The following FLT4 variants were observed in gnomAD, a reference collection of about 807,000 sequenced individuals.
FLT4 encodes the protein fms related receptor tyrosine kinase 4, also known as vascular endothelial growth factor receptor 3.
Under a neutral mutation model 163.2 loss-of-function variants are expected in FLT4, and 30 were observed. The ratio of observed to expected loss-of-function variants is 0.18; its 90% CI spans 0.14 to 0.25. The LOEUF (loss-of-function observed/expected upper bound fraction) is 0.25, where lower values mean the gene tolerates loss of function less well. Among genes scored for constraint, FLT4 ranks in the 10% least tolerant of loss-of-function variants. The pLI is 1.00. For missense variants in FLT4, 1,510 were observed against 1,863.8 expected (o/e 0.81, Z 3.50); for synonymous variants, 884 against 789.5 (o/e 1.12, Z -2.01).
intron 28 of FLT4, 165 bp from the exon 29 acceptor site, chr5:180,609,218 A>C: frequency 1.5e-6 from 1 of 666,534 alleles, no homozygotes; most frequent in South Asian, 1.6e-5. Context: ...TCCCAGGGTG[A>C]GGGTCACATG....
At chr5:180,612,890 G>A (rs899159478) in intron 25 of FLT4, 121 bp downstream of exon 25, 15 of 750,372 alleles carry the variant, frequency 2.0e-5, no homozygotes, top group Non-Finnish European at 2.3e-5. Context: ...GTATCTTGAG[G>A]GTGGTGCCCA....
intron 8 of FLT4, among the ~76,000 whole-genome samples, chr5:180,628,466 G>A (rs1451202481): frequency 2.0e-5 from 3 of 152,354 alleles, no homozygotes; most frequent in African/African-American, 7.2e-5. Flanking sequence ...ATTCCCTGTG[G>A]CATCTCCAAA....
intron 28 of FLT4, chr5:180,609,400 G>A (rs750680220): frequency 2.7e-5 from 12 of 443,866 alleles, no homozygotes; most frequent in Non-Finnish European, 4.6e-5. Context: ...TTCAAAAAAC[G>A]ATCCATGTGA....
chr5:180,628,868 G>C lies in FLT4; in HGVS notation c.1103+14C>G. 1 of 1,562,728 alleles carries C rather than the reference G, an allele frequency of 6.4e-7. No homozygotes were observed. Among genetic ancestry groups the C allele is most frequent in the South Asian group, 1.1e-5 (1 of 89,218 alleles). ...AGGGTATCGGCGGGGTCGGTGGGGAGCCAGGGCTGTTACCACTGGAACTCG... is the reference window on the plus strand; with the variant it reads ...AGGGTATCGGCGGGGTCGGTGGGGACCCAGGGCTGTTACCACTGGAACTCG... On this transcript the variant is annotated intron_variant, in intron 8 of 29. Transcript: ENST00000261937.
In FLT4 at chr5:180,613,063, G is replaced by T. The variant is rs775580963; in HGVS notation, c.3379C>A (p.Arg1127=). Residue 1127 remains arginine (R), a synonymous_variant, in exon 25 of 30, where the codon CGG becomes AGG. Coordinates refer to ENST00000261937, the MANE Select transcript of FLT4 (RefSeq NM_182925.5). ...GVQINEEFCQ[R]LRDGTRMRAP... is the part of the protein sequence containing the mutation. ...CTCATCCTTGTGCCGTCTCTCAGCC[G>T]CTGGCAGAACTCCTCATTGATCTGC... 27 of 1,613,396 alleles carry T rather than the reference G, an allele frequency of 1.7e-5. No homozygotes were observed. The Admixed American group carries it at 2.8e-4, about 17-fold the overall frequency.
chr5:180,617,130 G>A, intron 21 of FLT4, 136 bp from the exon 22 acceptor site: 2 of 705,866 alleles, frequency 2.8e-6, no homozygotes, highest in East Asian at 2.7e-5. Flanking sequence ...TCCTACTCCA[G>A]AGCACCCTCT....
At position 180,602,739 on chromosome 5, in the gene FLT4, T is replaced by A. The variant is rs1239515641; in HGVS notation, c.*453A>T. ...CCAGCCCTCGTGGGGAGAGTAGCTG[T>A]GTGCCTGAGGAGGAAAGGGCGTTTG... On this transcript the variant is annotated 3_prime_UTR_variant, in exon 30 of 30. Coordinates refer to ENST00000261937, the MANE Select transcript of FLT4 (RefSeq NM_182925.5). 1 of 458,956 alleles carries A rather than the reference T, an allele frequency of 2.2e-6. No homozygotes were observed. Among genetic ancestry groups the A allele is most frequent in the East Asian group, 3.2e-5 (1 of 31,454 alleles). 28.4% of individuals were successfully genotyped at this position (458,956 alleles called of 1,614,324 possible). A position where few individuals can be genotyped will look rare whatever the true frequency, so the allele number is the denominator to read the frequency against.
At chr5:180,608,172 T>C (rs1761908075) in intron 29 of FLT4, 3 of 700,192 alleles carry the variant, frequency 4.3e-6, no homozygotes, top group Non-Finnish European at 7.8e-6. Flanking sequence ...TTGAAGTTTG[T>C]AGTAGATAGC....
intron 26 of FLT4, among the ~76,000 whole-genome samples, chr5:180,612,140 G>A (rs1224915037): frequency 3.3e-5 from 5 of 152,194 alleles, no homozygotes; most frequent in Non-Finnish European, 5.9e-5. Flanking sequence ...TCAAGGGTCC[G>A]TGTGTTCAGT....
intron 1 of FLT4, among the ~76,000 whole-genome samples, chr5:180,641,435 G>A (rs1430570903): frequency 5.9e-5 from 9 of 152,204 alleles, no homozygotes; most frequent in Non-Finnish European, 8.8e-5. Context: ...TTGGGAAGAC[G>A]GGGACTGTGT....
At chr5:180,617,080 T>C in intron 21 of FLT4, 86 bp from the exon 22 acceptor site, 1 of 938,490 alleles carries the variant, frequency 1.1e-6, no homozygotes, top group South Asian at 1.3e-5. Flanking sequence ...AACAAGCATG[T>C]CAGCCCCTCT....
At chr5:180,611,544 C>G in intron 26 of FLT4, 65 bp from the exon 27 acceptor site, 1 of 1,545,984 alleles carries the variant, frequency 6.5e-7, no homozygotes, top group Non-Finnish European at 8.8e-7. Flanking sequence ...CCCTCGCCCC[C>G]ACCCTCAGCC....
At position 180,623,959 on chromosome 5, in the gene FLT4, G is replaced by A. The variant is rs558788566; in HGVS notation, c.1524C>T (p.Thr508=). 5.9e-5 allele frequency: 96 copies of A among 1,613,602 alleles called. No homozygotes were observed. The highest frequency in any genetic ancestry group is 7.8e-5 in the Non-Finnish European group (92 of 1,180,002). ...CCTTATTCTTTCCCTCCACAAACTC[G>A]GTCCAGGTGTCCAGGCTCTCGATGG... The part of the protein sequence containing the change: ...VNPIESLDTW[T]EFVEGKNKTV... The change falls in exon 11 of 30, where the codon ACC becomes ACT. Residue 508 remains threonine, a synonymous_variant. Transcript: ENST00000261937. The surrounding 1 kb of genome is among the most constrained non-coding windows in gnomAD (Gnocchi z 5.8).
chr5:180,621,515 C>A (rs919087717), intron 13 of FLT4, 27 bp downstream of exon 13: 5 of 1,609,036 alleles, frequency 3.1e-6, no homozygotes, highest in Non-Finnish European at 4.2e-6. Context: ...GAGAGCGCGT[C>A]CCCGCCCTCC....
intron 1 of FLT4, among the ~76,000 whole-genome samples, chr5:180,632,599 GGTGTGTGTGTGTGTGTGTGTGT>G (rs36217296): frequency 1.3e-5 from 2 of 150,716 alleles, no homozygotes; most frequent in African/African-American, 2.4e-5. Flanking sequence ...CCCGTGAGGT[GGTGTGTGTGTGTGTGTGTGTGT>G]GTGTGTGTGT....
intron 18 of FLT4, 87 bp downstream of exon 18, chr5:180,619,578 C>G: frequency 3.5e-6 from 4 of 1,140,160 alleles, no homozygotes; most frequent in Non-Finnish European, 5.3e-6. Flanking sequence ...GCCTCAGTCT[C>G]CCTTCCCGAG....
intron 29 of FLT4, among the ~76,000 whole-genome samples, 192 bp from the exon 30 acceptor site, chr5:180,603,582 C>T (rs1761621355): frequency 6.6e-6 from 1 of 152,142 alleles, no homozygotes; most frequent in African/African-American, 2.4e-5. Flanking sequence ...CATGGTGGTG[C>T]ACGCCTGCGG....
rs779801363 is a variant in FLT4, at chr5:180,628,863, G to A, written c.1103+19C>T. 3.9e-6 allele frequency: 6 copies of A among 1,546,178 alleles called. No individual in the cohort carries two copies. In the South Asian group the frequency reaches 4.5e-5, roughly 12 times the overall value. On this transcript the variant is annotated intron_variant, in intron 8 of 29. Transcript: ENST00000261937. Reference sequence around the variant, plus strand: ...TTGGAAGGGTATCGGCGGGGTCGGTGGGGAGCCAGGGCTGTTACCACTGGA... The same window carrying A: ...TTGGAAGGGTATCGGCGGGGTCGGTAGGGAGCCAGGGCTGTTACCACTGGA...
intron 1 of FLT4, among the ~76,000 whole-genome samples, chr5:180,648,235 A>G (rs1054492010): frequency 3.3e-5 from 5 of 152,154 alleles, no homozygotes; most frequent in Non-Finnish European, 7.4e-5. Flanking sequence ...CCCGACTCGG[A>G]GGCCCAGATA....
Sources: gnomAD v4.1 joint callset for allele counts (sites outside exome capture counted in the v4.1 genomes callset) on GRCh38, gnomAD v4.1.1 for gene constraint, Gnocchi (gnomAD v3.1) non-coding constraint, MANE v1.5 for transcripts, NCBI Gene and HGNC (gene_info 2026-07-23, HGNC 2026-07-21) for gene names.